Variants in MUC3A observed in about 807,000 individuals in gnomAD.
The protein encoded by MUC3A is mucin 3A, cell surface associated, also known as mucin-3A.
A neutral mutation model predicts 109.0 loss-of-function variants in MUC3A; 109 were observed. That is an observed-to-expected ratio of 1.00 (90% CI 0.86 to 1.17). The LOEUF (loss-of-function observed/expected upper bound fraction) is 1.17. MUC3A is among the 50% of genes most tolerant of loss of function. The pLI is 0.00. For synonymous variants in MUC3A, 1,398 were observed against 981.4 expected (o/e 1.42, Z -7.93); for missense variants, 3,537 against 2,469.4 (o/e 1.43, Z -9.16).
chr7:100,951,568 T>A (rs77073976), intron 1 of MUC3A, among the ~76,000 whole-genome samples: 1 of 348 alleles, frequency 2.9e-3, no homozygotes, highest in African/African-American at 0.016. Flanking sequence ...CTCGGCTATA[T>A]CAGGACAGGA....
chr7:100,959,602 C>G lies in MUC3A; in HGVS notation c.7823C>G (p.Thr2608Arg). The G allele has an allele frequency of 2.5e-6, 4 of 1,597,522 alleles. No individual in the cohort carries two copies. Among genetic ancestry groups the G allele is most frequent in the Non-Finnish European group, 3.4e-6 (4 of 1,179,212 alleles). Residue 2608 changes from threonine to arginine, a missense_variant, in exon 2 of 12, where the codon ACG becomes AGG. Physicochemically the swap from Thr to Arg is moderately conservative, Grantham distance 71. Transcript: ENST00000379458. Reference sequence around the variant, plus strand: ...ACCTTTGGAAGTACGGATTCCTCCACGTCCACTCTTCATACTCTTACTCCA... The same window carrying G: ...ACCTTTGGAAGTACGGATTCCTCCAGGTCCACTCTTCATACTCTTACTCCA... ...TVTFGSTDSSTSTLHTLTPST... is the reference protein window; with the variant it reads ...TVTFGSTDSSRSTLHTLTPST...
In MUC3A at chr7:100,960,902, C is replaced by T; in HGVS notation, c.9017C>T (p.Ser3006Phe). 2 of 1,598,536 alleles carry T rather than the reference C, an allele frequency of 1.3e-6. No homozygotes were observed. The highest frequency in any genetic ancestry group is 2.2e-5 in the South Asian group (2 of 91,088). ...CAGTGCCCCAGCACCTTCTATGGTT[C>T]CAGTTGTGAGTTTGCTGTGGAACAG... Reference protein sequence around the residue: ...KCQCPSTFYGSSCEFAVEQVD... With the variant: ...KCQCPSTFYGFSCEFAVEQVD... Residue 3006 changes from serine to phenylalanine, a missense_variant, in exon 3 of 12, where the codon TCC becomes TTC. By Grantham distance (155) the Ser-to-Phe change is radical. Transcript: ENST00000379458.
chr7:100,960,277 C>A lies in MUC3A; in HGVS notation c.8498C>A (p.Ser2833Tyr), dbSNP rs777707781. ...TTLTTYMDTSSMMPESESSIS... is the reference protein window; with the variant it reads ...TTLTTYMDTSYMMPESESSIS... ...CTTACTACATATATGGACACTTCTT[C>A]CATGATGCCAGAAAGTGAGTCCAGC... Residue 2833 changes from serine to tyrosine, a missense_variant, in exon 2 of 12, where the codon TCC (serine) becomes TAC (tyrosine). By Grantham distance (144) the Ser-to-Tyr change is moderately radical. Transcript: ENST00000379458. 6.3e-7 allele frequency: 1 copy of A among 1,598,552 alleles called. No individual in the cohort carries two copies. The highest frequency in any genetic ancestry group is 1.1e-5 in the South Asian group (1 of 91,092).
Position 100,966,489 on chromosome 7 carries a change from G to C in MUC3A, c.9715G>C (p.Val3239Leu), listed in dbSNP as rs587734325. 29 of 1,320,974 alleles carry C rather than the reference G, an allele frequency of 2.2e-5. No homozygotes were observed. The highest frequency in any genetic ancestry group is 3.0e-5 in the African/African-American group (2 of 66,134). 81.8% of individuals were successfully genotyped at this position (1,320,974 alleles called of 1,614,324 possible). The change falls in exon 9 of 12, where the codon GTG (valine) becomes CTG (leucine). Residue 3239 changes from valine to leucine, a missense_variant. Coordinates refer to ENST00000379458, the MANE Select transcript of MUC3A (RefSeq NM_005960.2). ...GGLTAGAALLVLLLLALGVRA... is the reference protein window; with the variant it reads ...GGLTAGAALLLLLLLALGVRA... Reference sequence around the variant, plus strand: ...CCTGACGGCCGGCGCCGCGCTGCTGGTGCTGCTGCTGCTGGCGCTGGGCGT... The same window carrying C: ...CCTGACGGCCGGCGCCGCGCTGCTGCTGCTGCTGCTGCTGGCGCTGGGCGT...
chr7:100,951,950 A>T lies in MUC3A; in HGVS notation c.171A>T (p.Pro57=). ...ACTCCAGAGACCTGGCTGGGTGGCC[A>T]CTTGGTGTCCCCCAGCTCGCCTCTC... The part of the protein sequence containing the change: ...SPHSRDLAGW[P]LGVPQLASPA... The change falls in exon 2 of 12, where the codon CCA becomes CCT. Residue 57 remains proline (P), a synonymous_variant. Coordinates refer to ENST00000379458, the MANE Select transcript of MUC3A (RefSeq NM_005960.2). 6.3e-7 allele frequency: 1 copy of T among 1,598,654 alleles called. No homozygotes were observed. The highest frequency in any genetic ancestry group is 1.1e-5 in the South Asian group (1 of 91,092).
In MUC3A at chr7:100,954,968, C is replaced by G; in HGVS notation, c.3189C>G (p.Thr1063=). 2.2e-6 allele frequency: 1 copy of G among 450,908 alleles called. No homozygotes were observed. Among genetic ancestry groups the G allele is most frequent in the Non-Finnish European group, 3.7e-6 (1 of 267,860 alleles). 27.9% of individuals were successfully genotyped at this position (450,908 alleles called of 1,614,324 possible). ...TCACCAGTCATACCACAAACACCAC[C>G]CCTCTATCCACCTTGGTGACTACAC... ...EMITSHTTNT[T]PLSTLVTTLL... The change falls in exon 2 of 12, where the codon ACC becomes ACG. Residue 1063 remains threonine, a synonymous_variant. Coordinates refer to ENST00000379458, the MANE Select transcript of MUC3A (RefSeq NM_005960.2).
chr7:100,952,584 G>A lies in MUC3A; in HGVS notation c.805G>A (p.Val269Met), dbSNP rs796137574. Residue 269 changes from valine (V) to methionine (M), a missense_variant, in exon 2 of 12, where the codon GTG becomes ATG. Val to Met is a conservative substitution (Grantham distance 21). Coordinates refer to ENST00000379458, the MANE Select transcript of MUC3A (RefSeq NM_005960.2). ...ITSSITSTNT[V>M]TSMTTTASQP... ...TTCTTCAATCACTTCCACAAATACA[G>A]TGACTTCTATGACAACGACCGCCTC... 1.9e-6 allele frequency: 3 copies of A among 1,598,508 alleles called. No homozygotes were observed. Among genetic ancestry groups the A allele is most frequent in the Admixed American group, 3.3e-5 (2 of 60,032 alleles).
chr7:100,957,089 A>G lies in MUC3A; in HGVS notation c.5310A>G (p.Thr1770=), dbSNP rs1444762833. The G allele has an allele frequency of 1.3e-5, 6 of 478,014 alleles. No individual in the cohort carries two copies. The highest frequency in any genetic ancestry group is 2.2e-5 in the Non-Finnish European group (6 of 272,300). The allele number at this position is 478,014 out of a possible 1,614,324, so 29.6% of individuals were successfully genotyped here. Residue 1770 remains threonine, a synonymous_variant, in exon 2 of 12, where the codon ACA becomes ACG. Transcript: ENST00000379458. The part of the protein sequence containing the change: ...TPPITSSITS[T]YTVTSMTTTT... ...CCATCACTTCTTCAATCACCTCCAC[A>G]TATACGGTGACTTCGATGACAACTA...
chr7:100,962,137 C>T lies in MUC3A; in HGVS notation c.9053-1014C>T, dbSNP rs1413017616. On this transcript the variant is annotated intron_variant, in intron 3 of 11. Transcript: ENST00000379458. ...GTCCCAGCTACTTGGGAGGCTGAGG[C>T]GGGAGAATGGCGTGAACCCGGGAGG... is the stretch of plus-strand genomic sequence containing the variant. Among the ~76,000 whole-genome samples, 24 of 89,036 alleles carry T rather than the reference C, an allele frequency of 2.7e-4. 5 individuals carry two copies. The highest frequency in any genetic ancestry group is 8.4e-4 in the African/African-American group (24 of 28,612). 58.4% of individuals were successfully genotyped at this position (89,036 alleles called of 152,430 possible).
Position 100,964,802 on chromosome 7 carries a change from A to G in MUC3A, c.9341A>G (p.Gln3114Arg), listed in dbSNP as rs1348526316. 1 of 1,598,254 alleles carries G rather than the reference A, an allele frequency of 6.3e-7. No individual in the cohort carries two copies. The highest frequency in any genetic ancestry group is 2.2e-5 in the East Asian group (1 of 44,884). The change falls in exon 6 of 12, where the codon CAG becomes CGG. Residue 3114 changes from glutamine to arginine, a missense_variant. Gln to Arg is a conservative substitution (Grantham distance 43). Coordinates refer to ENST00000379458, the MANE Select transcript of MUC3A (RefSeq NM_005960.2). ...AAGACCACGCTGAAGGAGGGGCTGC[A>G]GAACGCCAGCCAGGATGTGAACAGC... ...QVKTTLKEGL[Q>R]NASQDVNSCQ...
intron 1 of MUC3A, among the ~76,000 whole-genome samples, chr7:100,950,638 C>T (rs1294617832): frequency 2.6e-5 from 4 of 152,304 alleles, no homozygotes; most frequent in East Asian, 1.9e-4. Flanking sequence ...TCCCACTTCC[C>T]ATCTGCTGTG....
rs916616653 is a variant in MUC3A at position 100,955,210 on chromosome 7, C to G, written c.3431C>G (p.Pro1144Arg). ...TPTTTLITTTPNTTSLSTPSF... is the reference protein window; with the variant it reads ...TPTTTLITTTRNTTSLSTPSF... ...ACCACAACCTTGATAACCACCACCC[C>G]TAATACCACCTCCCTTAGTACCCCC... is the stretch of plus-strand genomic sequence containing the variant. The change falls in exon 2 of 12, where the codon CCT (proline) becomes CGT (arginine). Residue 1144 changes from proline (P) to arginine (R), a missense_variant. By Grantham distance (103) the Pro-to-Arg change is moderately radical. Transcript: ENST00000379458. 1.5e-6 allele frequency: 1 copy of G among 665,900 alleles called. No individual in the cohort carries two copies. The highest frequency in any genetic ancestry group is 2.5e-5 in the African/African-American group (1 of 39,944). 41.2% of individuals were successfully genotyped at this position (665,900 alleles called of 1,614,324 possible).
In MUC3A at chr7:100,953,160, T is replaced by G; in HGVS notation, c.1381T>G (p.Phe461Val). Residue 461 changes from phenylalanine (F) to valine (V), a missense_variant, in exon 2 of 12, where the codon TTC becomes GTC. By Grantham distance (50) the Phe-to-Val change is conservative. Coordinates refer to ENST00000379458, the MANE Select transcript of MUC3A (RefSeq NM_005960.2). ...CCACCATTCTGTGGGCTCTACCGGTTTCCTGACTACAGCAACAGACCTCAC... is the reference window on the plus strand; with the variant it reads ...CCACCATTCTGTGGGCTCTACCGGTGTCCTGACTACAGCAACAGACCTCAC... ...ITHHSVGSTG[F>V]LTTATDLTST... 86 of 601,438 alleles carry G rather than the reference T, an allele frequency of 1.4e-4. No homozygotes were observed. Among genetic ancestry groups the G allele is most frequent in the Non-Finnish European group, 2.3e-4 (80 of 345,770 alleles). The allele number at this position is 601,438 out of a possible 1,614,324, so 37.3% of individuals were successfully genotyped here. A position where few individuals can be genotyped will look rare whatever the true frequency, so the allele number is the denominator to read the frequency against.
chr7:100,953,493 C>A lies in MUC3A; in HGVS notation c.1714C>A (p.Pro572Thr). 1 of 436,382 alleles carries A rather than the reference C, an allele frequency of 2.3e-6. No individual in the cohort carries two copies. The highest frequency in any genetic ancestry group is 3.9e-6 in the Non-Finnish European group (1 of 254,498). The allele number at this position is 436,382 out of a possible 1,614,324, so 27.0% of individuals were successfully genotyped here. Residue 572 changes from proline to threonine, a missense_variant, in exon 2 of 12, where the codon CCC becomes ACC. Coordinates refer to ENST00000379458, the MANE Select transcript of MUC3A (RefSeq NM_005960.2). ...LHTTAESTLA[P>T]TTTTSFTTST... is the part of the protein sequence containing the mutation. ...CACAACAGCTGAATCCACCCTGGCA[C>A]CCACTACCACCACCTCATTCACAAC... is the stretch of plus-strand genomic sequence containing the variant.
chr7:100,965,885 T>A lies in MUC3A; in HGVS notation c.9611+19T>A, dbSNP rs762142409. The A allele has an allele frequency of 8.2e-6, 13 of 1,580,598 alleles. No individual in the cohort carries two copies. In the East Asian group the frequency reaches 1.8e-4, roughly 22 times the overall value. On this transcript the variant is annotated intron_variant, in intron 8 of 11. Coordinates refer to ENST00000379458, the MANE Select transcript of MUC3A (RefSeq NM_005960.2). ...CGTGTCGGTAAGGCCCCGCTCACCA[T>A]CGGCATCAGCCGAGCCCCTCCCACT...
Position 100,959,367 on chromosome 7 carries a change from C to T in MUC3A, c.7588C>T (p.Pro2530Ser), listed in dbSNP as rs750740144. 20 of 1,540,272 alleles carry T rather than the reference C, an allele frequency of 1.3e-5. No individual in the cohort carries two copies. The African/African-American group carries it at 1.8e-4, about 14-fold the overall frequency. Residue 2530 changes from proline (P) to serine (S), a missense_variant, in exon 2 of 12, where the codon CCC becomes TCC. Pro to Ser is a moderately conservative substitution (Grantham distance 74, BLOSUM62 -1). Coordinates refer to ENST00000379458, the MANE Select transcript of MUC3A (RefSeq NM_005960.2). ...TCGAACACACATCATTTCATCTTCT[C>T]CCTCCATCCAAAGTACAGAAACCTC... is the stretch of plus-strand genomic sequence containing the variant. ...PTRTHIISSSPSIQSTETSSL... is the reference protein window; with the variant it reads ...PTRTHIISSSSSIQSTETSSL...
rs587771734 is a variant in MUC3A at position 100,966,885 on chromosome 7, C to T, written c.9878-14C>T. 2.0e-6 allele frequency: 3 copies of T among 1,521,454 alleles called. No individual in the cohort carries two copies. The highest frequency in any genetic ancestry group is 4.6e-5 in the East Asian group (2 of 43,500). 94.2% of individuals were successfully genotyped at this position (1,521,454 alleles called of 1,614,324 possible). A position where few individuals can be genotyped will look rare whatever the true frequency, so the allele number is the denominator to read the frequency against. ...CCTCTCCCCTTCTCTTTCTCCGCTC[C>T]TCTCTCTCTCTAGACAAGGATACAA... is the stretch of plus-strand genomic sequence containing the variant. On this transcript the variant is annotated splice_polypyrimidine_tract_variant and intron_variant, in intron 10 of 11. Transcript: ENST00000379458.
Position 100,960,409 on chromosome 7 carries a change from C to A in MUC3A, c.8630C>A (p.Ser2877Tyr). The change falls in exon 2 of 12, where the codon TCT (serine) becomes TAT (tyrosine). Residue 2877 changes from serine (S) to tyrosine (Y), a missense_variant. By Grantham distance (144) the Ser-to-Tyr change is moderately radical. Coordinates refer to ENST00000379458, the MANE Select transcript of MUC3A (RefSeq NM_005960.2). ...PTSETWLSNS[S>Y]VIPLPLPGVS... ...AGTGAGACCTGGCTGAGCAACAGTT[C>A]TGTGATCCCCCTACCTCTTCCTGGC... 1 of 1,598,550 alleles carries A rather than the reference C, an allele frequency of 6.3e-7. No homozygotes were observed. Among genetic ancestry groups the A allele is most frequent in the Non-Finnish European group, 8.5e-7 (1 of 1,179,822 alleles).
Position 100,963,157 on chromosome 7 carries a change from T to C in MUC3A, c.9059T>C (p.Val3020Ala). ...ACATGCATGCTCTGTGTAGATGTAG[T>C]GGAGACCGAGGTGGGCATGGAAGTG... is the stretch of plus-strand genomic sequence containing the variant. ...FAVEQVDLDV[V>A]ETEVGMEVSV... The change falls in exon 4 of 12, where the codon GTG (valine) becomes GCG (alanine). Residue 3020 changes from valine to alanine, a missense_variant. By Grantham distance (64) the Val-to-Ala change is moderately conservative. Coordinates refer to ENST00000379458, the MANE Select transcript of MUC3A (RefSeq NM_005960.2). The C allele has an allele frequency of 6.3e-7, 1 of 1,598,160 alleles. No individual in the cohort carries two copies. Among genetic ancestry groups the C allele is most frequent in the South Asian group, 1.1e-5 (1 of 90,910 alleles).
Sources: gnomAD v4.1 joint callset for allele counts (sites outside exome capture counted in the v4.1 genomes callset) on GRCh38, gnomAD v4.1.1 for gene constraint, MANE v1.5 for transcripts, NCBI Gene and HGNC (gene_info 2026-07-23, HGNC 2026-07-21) for gene names.